Variants in TCF12 observed in about 807,000 individuals in gnomAD.
The protein encoded by TCF12 is transcription factor 12.
Under a neutral mutation model 86.0 loss-of-function variants are expected in TCF12, and 45 were observed. The ratio of observed to expected loss-of-function variants is 0.52; its 90% CI spans 0.41 to 0.67. The LOEUF is 0.67. Ranked by LOEUF, TCF12 falls within the 30% of genes least tolerant of loss-of-function variation. The pLI is 0.00. For synonymous variants in TCF12, 330 were observed against 299.6 expected (o/e 1.10, Z -1.05); for missense variants, 881 against 859.9 (o/e 1.02, Z -0.31).
At chr15:56,939,477 T>G (rs1215564086) in intron 3 of TCF12, among the ~76,000 whole-genome samples, 6 of 152,214 alleles carry the variant, frequency 3.9e-5, no homozygotes, top group South Asian at 2.1e-4. Context: ...TGGGAAATTC[T>G]GAGGTTTTAC....
At chr15:57,192,429 C>A in intron 7 of TCF12, 136 bp downstream of exon 7, 2 of 1,239,904 alleles carry the variant, frequency 1.6e-6, no homozygotes, top group Non-Finnish European at 2.2e-6. Flanking sequence ...CACTCTGTTA[C>A]CCATGCAGGA....
At chr15:56,928,500 C>T (rs2140242216) in intron 3 of TCF12, among the ~76,000 whole-genome samples, 1 of 152,174 alleles carries the variant, frequency 6.6e-6, no homozygotes. Context: ...TGAGGCAATA[C>T]CCCTACAAGA....
intron 3 of TCF12, among the ~76,000 whole-genome samples, chr15:57,060,729 TTTC>T (rs2068401018): frequency 6.6e-6 from 1 of 152,220 alleles, no homozygotes; most frequent in African/African-American, 2.4e-5. Context: ...TGTGGTGTAT[TTTC>T]TTGTCAATAG....
intron 3 of TCF12, among the ~76,000 whole-genome samples, chr15:56,964,175 G>A (rs967966269): frequency 1.3e-5 from 2 of 152,110 alleles, no homozygotes; most frequent in African/African-American, 2.4e-5. Flanking sequence ...AACAAGTTTC[G>A]AAGAATGTAC....
Position 57,234,152 on chromosome 15 carries a change from C to T in TCF12, c.1035+45C>T, listed in dbSNP as rs779040541. ...ATTCTACTGAATGAATTTTACACTA[C>T]TGAATACAGTGATTAGATTTTGTAG... On this transcript the variant is annotated intron_variant, in intron 12 of 20. Transcript: ENST00000333725. 7 of 1,424,970 alleles carry T rather than the reference C, an allele frequency of 4.9e-6. No individual in the cohort carries two copies. In the South Asian group the frequency reaches 8.0e-5, roughly 16 times the overall value. The allele number at this position is 1,424,970 out of a possible 1,614,324, so 88.3% of individuals were successfully genotyped here.
At chr15:57,198,422 G>A (rs901440041) in intron 8 of TCF12, among the ~76,000 whole-genome samples, 8 of 152,072 alleles carry the variant, frequency 5.3e-5, no homozygotes, top group African/African-American at 9.7e-5. Flanking sequence ...ATCCCTCTTT[G>A]CTCAAAAATG....
At chr15:57,075,493 A>G (rs1268001050) in intron 4 of TCF12, among the ~76,000 whole-genome samples, 3 of 152,188 alleles carry the variant, frequency 2.0e-5, no homozygotes, top group Non-Finnish European at 4.4e-5. Context: ...TATTTCATAA[A>G]GGGAGTCCTC....
At chr15:56,965,908 A>C (rs2084782958) in intron 3 of TCF12, among the ~76,000 whole-genome samples, 1 of 152,166 alleles carries the variant, frequency 6.6e-6, no homozygotes, top group South Asian at 2.1e-4. Context: ...TGAAGAAGTA[A>C]TATTTTATAT....
At chr15:57,234,555 C>T (rs2059304230) in intron 12 of TCF12, among the ~76,000 whole-genome samples, 1 of 152,026 alleles carries the variant, frequency 6.6e-6, no homozygotes, top group Non-Finnish European at 1.5e-5. Flanking sequence ...TGAGAGCCTT[C>T]TCCCCAAAAA....
At position 57,275,327 on chromosome 15, in the gene TCF12, G is replaced by GGTGTGTGTGTGTGT. The variant is rs1171707504; in HGVS notation, c.1978+2088_1978+2101dup. ...AGCCCAGGGATCTTTGTAAGGTAGG[G>GGTGTGTGTGTGTGT]GTGTGTGTGTGTGTGTGTGTGTGTG... On this transcript the variant is annotated intron_variant, in intron 19 of 20. Transcript: ENST00000333725. Among the ~76,000 whole-genome samples the GGTGTGTGTGTGTGT allele has an allele frequency of 7.1e-3, 455 of 64,070 alleles. 36 individuals are homozygous for GGTGTGTGTGTGTGT. The highest frequency in any genetic ancestry group is 9.6e-3 in the Non-Finnish European group (331 of 34,542). The allele number at this position is 64,070 out of a possible 152,430, so 42.0% of individuals were successfully genotyped here.
At chr15:57,005,251 T>C (rs1462305183) in intron 3 of TCF12, among the ~76,000 whole-genome samples, 1 of 152,230 alleles carries the variant, frequency 6.6e-6, no homozygotes, top group African/African-American at 2.4e-5. Context: ...CAAAGTTAAA[T>C]TGATTTCCTT....
chr15:57,203,955 A>G (rs2057683970), intron 8 of TCF12, among the ~76,000 whole-genome samples: 1 of 152,194 alleles, frequency 6.6e-6, no homozygotes, highest in Non-Finnish European at 1.5e-5. Context: ...TGTTCACTCC[A>G]TTGCACTCCA....
intron 5 of TCF12, among the ~76,000 whole-genome samples, chr15:57,152,008 A>G (rs1344240655): frequency 6.6e-6 from 1 of 152,180 alleles, no homozygotes; most frequent in Admixed American, 6.6e-5. Flanking sequence ...CTGAGGATGA[A>G]ATACTAACAG....
At chr15:57,207,445 C>T (rs984692246) in intron 8 of TCF12, among the ~76,000 whole-genome samples, 6 of 152,060 alleles carry the variant, frequency 3.9e-5, no homozygotes, top group Non-Finnish European at 7.4e-5. Flanking sequence ...CCAAGGCAGG[C>T]GGATCACTTA....
intron 6 of TCF12, among the ~76,000 whole-genome samples, chr15:57,173,973 T>C (rs2055723875): frequency 6.6e-6 from 1 of 152,172 alleles, no homozygotes; most frequent in Non-Finnish European, 1.5e-5. Context: ...CTCAAAGTGC[T>C]GGAATTACAG....
At chr15:57,061,924 G>A (rs1018317834) in intron 3 of TCF12, among the ~76,000 whole-genome samples, 3 of 151,872 alleles carry the variant, frequency 2.0e-5, no homozygotes, top group African/African-American at 7.3e-5. Context: ...TAGCTCACTG[G>A]TGTCTAATGA....
intron 3 of TCF12, among the ~76,000 whole-genome samples, chr15:57,036,047 AC>A (rs1224399986): frequency 3.7e-5 from 4 of 109,134 alleles, no homozygotes; most frequent in Non-Finnish European, 7.7e-5. Context: ...AAACCATCCC[AC>A]CCCCCACCCC....
At chr15:57,065,914 G>A (rs1156948773) in intron 4 of TCF12, among the ~76,000 whole-genome samples, 4 of 152,044 alleles carry the variant, frequency 2.6e-5, no homozygotes, top group African/African-American at 9.7e-5. Context: ...ATTTCTACCT[G>A]TCTATTGAGA....
chr15:56,986,460 G>T (rs534522297), intron 3 of TCF12, among the ~76,000 whole-genome samples: 41 of 152,206 alleles, frequency 2.7e-4, no homozygotes, highest in African/African-American at 9.1e-4. Flanking sequence ...TTCCATTTTG[G>T]TATTACAGTA....
Sources: allele counts gnomAD v4.1 joint callset (sites outside exome capture counted in the v4.1 genomes callset), GRCh38; gene constraint gnomAD v4.1.1; transcripts MANE v1.5; gene names NCBI Gene and HGNC (gene_info 2026-07-23, HGNC 2026-07-21).